Variants in SGCZ observed in about 807,000 individuals in gnomAD.
The protein encoded by SGCZ is zeta-sarcoglycan.
In SGCZ, 40 loss-of-function variants were observed where a neutral mutation model predicts 41.3. The observed-to-expected ratio is 0.97, with a 90% confidence interval of 0.75 to 1.26. SGCZ has a LOEUF of 1.26. Among genes scored for constraint, SGCZ ranks in the 50% most tolerant of loss-of-function variants. The probability of loss-of-function intolerance (pLI) is 0.00; values close to 1 mark genes in which losing one functional copy is unlikely to be tolerated. For synonymous variants in SGCZ, 206 were observed against 137.5 expected, an observed-to-expected ratio of 1.50 and a Z score of -3.49; for missense variants, 552 against 369.8, an observed-to-expected ratio of 1.49 and a Z score of -4.04.
intron 2 of SGCZ, among the ~76,000 whole-genome samples, chr8:14,362,079 C>T (rs1458271809): frequency 1.3e-5 from 2 of 152,126 alleles, no homozygotes; most frequent in Admixed American, 6.5e-5. Flanking sequence ...GGGGCACCTG[C>T]CTGTTTGAGG....
chr8:14,505,267 T>A, intron 2 of SGCZ, among the ~76,000 whole-genome samples: 1 of 152,158 alleles, frequency 6.6e-6, no homozygotes, highest in South Asian at 2.1e-4. Flanking sequence ...TATGTGTATA[T>A]GTGTTTGAAT....
At chr8:15,015,531 T>C (rs1398190723) in intron 1 of SGCZ, among the ~76,000 whole-genome samples, 1 of 151,290 alleles carries the variant, frequency 6.6e-6, no homozygotes, top group Non-Finnish European at 1.5e-5. Flanking sequence ...ACTGAAAATA[T>C]AAAAAATTAG....
chr8:14,459,587 A>C (rs1252070153), intron 2 of SGCZ, among the ~76,000 whole-genome samples: 1 of 152,180 alleles, frequency 6.6e-6, no homozygotes, highest in Non-Finnish European at 1.5e-5. Flanking sequence ...GTAGTCTGAA[A>C]GTATCTATCT....
At chr8:14,138,514 A>G (rs1237072181) in intron 5 of SGCZ, among the ~76,000 whole-genome samples, 2 of 96,008 alleles carry the variant, frequency 2.1e-5, no homozygotes, top group Admixed American at 2.3e-4. Context: ...AGGGAAAACA[A>G]AAAAAAAAAA....
chr8:14,312,566 C>T (rs1417502012), intron 3 of SGCZ, among the ~76,000 whole-genome samples: 3 of 151,862 alleles, frequency 2.0e-5, no homozygotes, highest in African/African-American at 4.8e-5. Context: ...CTCCAGTGTG[C>T]GATAATCACA....
In SGCZ at chr8:14,318,820, A is replaced by G. The variant is rs201290423; in HGVS notation, c.336+5283T>C. Among the ~76,000 whole-genome samples the G allele has an allele frequency of 2.6e-5, 4 of 152,130 alleles. No individual in the cohort carries two copies. The East Asian group carries it at 5.8e-4, about 22-fold the overall frequency. On this transcript the variant is annotated intron_variant, in intron 3 of 7. Coordinates refer to ENST00000382080, the MANE Select transcript of SGCZ (RefSeq NM_139167.4). ...AATAATCAAACTAAGTAAGTGCTTC[A>G]ATCATTAAAACTTCAGCATTATATA...
chr8:14,753,283 G>T (rs2130325484), intron 1 of SGCZ, among the ~76,000 whole-genome samples: 1 of 151,948 alleles, frequency 6.6e-6, no homozygotes, highest in African/African-American at 2.4e-5. Context: ...GTACTTCAAG[G>T]GATCCAATTC....
rs115831543 is a variant in SGCZ, at chr8:14,735,849, G to A, written c.40-180923C>T. Among the ~76,000 whole-genome samples the A allele has an allele frequency of 9.5e-3, 1,452 of 152,192 alleles. 30 individuals are homozygous for A. The highest frequency in any genetic ancestry group is 0.033 in the African/African-American group (1,384 of 41,528). On this transcript the variant is annotated intron_variant, in intron 1 of 7. Transcript: ENST00000382080. ...CTTGTGCTATTAGGGAGGCCTTGCT[G>A]ACAATCAAATTGAGTAGGAATTTAG...
chr8:14,638,419 T>G lies in SGCZ; in HGVS notation c.40-83493A>C, dbSNP rs116450695. On this transcript the variant is annotated intron_variant, in intron 1 of 7. Coordinates refer to ENST00000382080, the MANE Select transcript of SGCZ (RefSeq NM_139167.4). Reference sequence around the variant, plus strand: ...AATACATTCTCAATGTCTCCCAGTATAAATAACATTTCCTTAAAATTAAAG... The same window carrying G: ...AATACATTCTCAATGTCTCCCAGTAGAAATAACATTTCCTTAAAATTAAAG... 4.1e-3 allele frequency among the ~76,000 whole-genome samples: 627 copies of G among 152,012 alleles called. 6 individuals are homozygous for G. The highest frequency in any genetic ancestry group is 0.013 in the African/African-American group (520 of 41,524).
chr8:14,469,141 G>A (rs1801138239), intron 2 of SGCZ, among the ~76,000 whole-genome samples: 1 of 151,944 alleles, frequency 6.6e-6, no homozygotes, highest in African/African-American at 2.4e-5. Flanking sequence ...TTGCTTCAAT[G>A]GTGCCCTATC....
At chr8:14,958,296 G>T (rs544043464) in intron 1 of SGCZ, among the ~76,000 whole-genome samples, 4 of 152,112 alleles carry the variant, frequency 2.6e-5, no homozygotes, top group African/African-American at 7.2e-5. Flanking sequence ...ACATAAAATA[G>T]TTCATAGTAG....
At chr8:14,834,814 T>G (rs933046066) in intron 1 of SGCZ, among the ~76,000 whole-genome samples, 1 of 152,174 alleles carries the variant, frequency 6.6e-6, no homozygotes, top group African/African-American at 2.4e-5. Context: ...ATCAAGGGAC[T>G]CGGATACTGA....
chr8:15,213,907 A>C (rs1031959537), intron 1 of SGCZ, among the ~76,000 whole-genome samples: 5 of 152,082 alleles, frequency 3.3e-5, no homozygotes, highest in Admixed American at 2.6e-4. Flanking sequence ...TGCAGCTATG[A>C]ATAGTTATTA....
intron 1 of SGCZ, among the ~76,000 whole-genome samples, chr8:14,901,946 ACAGT>A (rs1798985006): frequency 6.6e-6 from 1 of 152,178 alleles, no homozygotes; most frequent in Non-Finnish European, 1.5e-5. Flanking sequence ...ACAAATGCTG[ACAGT>A]CAGCCTTAGG....
At chr8:14,332,108 C>G (rs977658007) in intron 2 of SGCZ, among the ~76,000 whole-genome samples, 1 of 151,824 alleles carries the variant, frequency 6.6e-6, no homozygotes, top group Non-Finnish European at 1.5e-5. Flanking sequence ...TATATAATTG[C>G]TCCACAAAAA....
intron 1 of SGCZ, among the ~76,000 whole-genome samples, chr8:15,050,635 T>A (rs553697580): frequency 1.5e-4 from 23 of 152,252 alleles, no homozygotes; most frequent in African/African-American, 5.3e-4. Context: ...GTTTTCAACA[T>A]GGAGGTCAAC....
chr8:14,348,068 C>A (rs1014130634), intron 2 of SGCZ, among the ~76,000 whole-genome samples: 5 of 152,004 alleles, frequency 3.3e-5, no homozygotes, highest in African/African-American at 9.7e-5. Flanking sequence ...GGCACGGAGA[C>A]CCAGCTGCAG....
At chr8:14,953,783 A>C (rs374947777) in intron 1 of SGCZ, among the ~76,000 whole-genome samples, 1 of 152,208 alleles carries the variant, frequency 6.6e-6, no homozygotes, top group East Asian at 1.9e-4. Flanking sequence ...AGTGTTTACA[A>C]TAGTACTTGA....
chr8:14,269,747 T>C (rs1799999565), intron 3 of SGCZ, among the ~76,000 whole-genome samples: 1 of 152,104 alleles, frequency 6.6e-6, no homozygotes, highest in Non-Finnish European at 1.5e-5. Flanking sequence ...ACAAATGAGA[T>C]ATGAAGAAGA....
Sources: allele counts gnomAD v4.1 joint callset (sites outside exome capture counted in the v4.1 genomes callset), GRCh38; gene constraint gnomAD v4.1.1; transcripts MANE v1.5; gene names NCBI Gene and HGNC (gene_info 2026-07-23, HGNC 2026-07-21).